GART: variants seen among roughly 807,000 people sequenced by gnomAD.
The protein encoded by GART is phosphoribosylglycinamide formyltransferase, phosphoribosylglycinamide synthetase, phosphoribosylaminoimidazole synthetase.
Under a neutral mutation model 107.2 loss-of-function variants are expected in GART, and 43 were observed. The observed-to-expected ratio is 0.40, with a 90% confidence interval of 0.31 to 0.52. The LOEUF is 0.52. Ranked by LOEUF, GART falls within the 20% of genes least tolerant of loss-of-function variation. The pLI is 0.52. For synonymous variants in GART, 434 were observed against 427.0 expected (o/e 1.02, Z -0.20); for missense variants, 1,107 against 1,206.5 (o/e 0.92, Z 1.22).
intron 12 of GART, among the ~76,000 whole-genome samples, chr21:33,521,299 G>A (rs1468816941): frequency 6.6e-6 from 1 of 152,124 alleles, no homozygotes; most frequent in Admixed American, 6.6e-5. Flanking sequence ...CCCTTCCTGA[G>A]TATGAGAGAT....
chr21:33,519,846 AAAAG>A (rs1230947696), intron 14 of GART, among the ~76,000 whole-genome samples: 2 of 151,442 alleles, frequency 1.3e-5, no homozygotes, highest in African/African-American at 4.9e-5. Context: ...TTAAATTAAA[AAAAG>A]AGGTTATTTT....
At chr21:33,526,086 GTCTCGA>G (rs1235336976) in intron 10 of GART, among the ~76,000 whole-genome samples, 5 of 151,878 alleles carry the variant, frequency 3.3e-5, no homozygotes, top group Non-Finnish European at 7.4e-5. Flanking sequence ...AGCCAGGATG[GTCTCGA>G]TCTCCTGACC....
rs754505590 is a variant in GART, at chr21:33,505,623, T to C, written c.2663A>G (p.Asp888Gly). The change falls in exon 20 of 22, where the codon GAC (aspartate) becomes GGC (glycine). Residue 888 changes from aspartate (D) to glycine (G), a missense_variant. Transcript: ENST00000381815. ...CATGAATCCTGCAAGACAGACTATG[T>C]CTATGGAGAACTCTTCAAGGACTAG... ...IDLVLEEFSI[D>G]IVCLAGFMRI... The C allele has an allele frequency of 1.6e-5, 26 of 1,612,902 alleles. No individual in the cohort carries two copies.
rs377404137 is a variant in GART, at chr21:33,539,278, C to G, written c.38G>C (p.Arg13Thr). 101 of 1,613,960 alleles carry G rather than the reference C, an allele frequency of 6.3e-5. No individual in the cohort carries two copies. Among genetic ancestry groups the G allele is most frequent in the Non-Finnish European group, 8.2e-5 (97 of 1,179,988 alleles). ...ARVLIIGSGG[R>T]EHTLAWKLAQ... ...AAGTTTCCAGGCCAGCGTATGTTCC[C>G]TTCCTCCACTGCCAATTATAAGTAC... is the stretch of plus-strand genomic sequence containing the variant. Residue 13 changes from arginine to threonine, a missense_variant, in exon 2 of 22, where the codon AGG (arginine) becomes ACG (threonine). Arg to Thr is a moderately conservative substitution (Grantham distance 71). Coordinates refer to ENST00000381815, the MANE Select transcript of GART (RefSeq NM_000819.5).
chr21:33,516,989 C>T lies in GART; in HGVS notation c.2107G>A (p.Asp703Asn). The T allele has an allele frequency of 6.3e-7, 1 of 1,592,916 alleles. No homozygotes were observed. Among genetic ancestry groups the T allele is most frequent in the Non-Finnish European group, 8.5e-7 (1 of 1,174,400 alleles). The part of the protein sequence containing the change: ...VLPEKLGVDL[D>N]AQTWRIPRVF... ...CAGAAGTTCGTTTTAGTGATCTTAC[C>T]TAAATCTACCCCAAGTTTCTCAGGG... Residue 703 changes from aspartate (D) to asparagine (N), a missense_variant and splice_region_variant, in exon 16 of 22, where the codon GAT becomes AAT. Physicochemically the swap from Asp to Asn is conservative, Grantham distance 23. Coordinates refer to ENST00000381815, the MANE Select transcript of GART (RefSeq NM_000819.5).
chr21:33,506,033 A>C lies in GART; in HGVS notation c.2524T>G (p.Ser842Ala). The change falls in exon 19 of 22, where the codon TCC (serine) becomes GCC (alanine). Residue 842 changes from serine (S) to alanine (A), a missense_variant. Coordinates refer to ENST00000381815, the MANE Select transcript of GART (RefSeq NM_000819.5). The stretch of plus-strand genomic sequence containing the variant: ...AACCCAGCTACTGCGGCTTTGTTGG[A>C]GATAACAATATCAATTTGTGCAGAG... ...NSSAQIDIVI[S>A]NKAAVAGLDK... is the part of the protein sequence containing the mutation. 1 of 1,614,206 alleles carries C rather than the reference A, an allele frequency of 6.2e-7. No homozygotes were observed. Among genetic ancestry groups the C allele is most frequent in the Non-Finnish European group, 8.5e-7 (1 of 1,180,030 alleles).
chr21:33,526,592 A>C (rs2085078148), intron 10 of GART, among the ~76,000 whole-genome samples: 1 of 151,990 alleles, frequency 6.6e-6, no homozygotes, highest in African/African-American at 2.4e-5. Flanking sequence ...CAGTATAACC[A>C]ATATGATCAG....
chr21:33,509,602 A>G, intron 18 of GART, 181 bp downstream of exon 18: 1 of 470,796 alleles, frequency 2.1e-6, no homozygotes, highest in Non-Finnish European at 3.5e-6. Flanking sequence ...TTTCTTTGGG[A>G]GCTGTCTCAA....
intron 18 of GART, among the ~76,000 whole-genome samples, chr21:33,507,433 T>C (rs1443718886): frequency 2.6e-5 from 4 of 152,168 alleles, no homozygotes; most frequent in African/African-American, 7.2e-5. Flanking sequence ...GGGATGCTAA[T>C]GGGTACAAAA....
At chr21:33,516,947 C>T in intron 16 of GART, 42 bp downstream of exon 16, 1 of 1,542,442 alleles carries the variant, frequency 6.5e-7, no homozygotes, top group Non-Finnish European at 8.8e-7. Context: ...CATTTTTTTC[C>T]TCAGCAATTT....
At chr21:33,520,847 T>G in intron 13 of GART, 59 bp downstream of exon 13, 1 of 1,228,636 alleles carries the variant, frequency 8.1e-7, no homozygotes, top group South Asian at 1.3e-5. Flanking sequence ...AAATACATAT[T>G]TGATATAAAT....
At chr21:33,508,451 T>C (rs2084722988) in intron 18 of GART, among the ~76,000 whole-genome samples, 1 of 151,646 alleles carries the variant, frequency 6.6e-6, no homozygotes, top group Non-Finnish European at 1.5e-5. Flanking sequence ...TTATACCTGA[T>C]AGAAAAATTT....
In GART at chr21:33,528,101, G is replaced by A. The variant is rs534322906; in HGVS notation, c.1066+66C>T. 2.4e-4 allele frequency: 351 copies of A among 1,451,320 alleles called. 1 individual carries two copies. The South Asian group carries it at 3.9e-3, about 16-fold the overall frequency. 89.9% of individuals were successfully genotyped at this position (1,451,320 alleles called of 1,614,324 possible). A position where few individuals can be genotyped will look rare whatever the true frequency, so the allele number is the denominator to read the frequency against. ...ATCGAGAGCAAGCCTTAGTGTGAGA[G>A]GGGGGTCTGCTGTGGTGCTGGCACT... On this transcript the variant is annotated intron_variant, in intron 10 of 21. Transcript: ENST00000381815.
intron 14 of GART, among the ~76,000 whole-genome samples, chr21:33,520,105 T>C (rs990143725): frequency 6.6e-6 from 1 of 151,900 alleles, no homozygotes; most frequent in African/African-American, 2.4e-5. Flanking sequence ...GGCCAAAAAT[T>C]GGGAAGAAAG....
At chr21:33,519,121 C>T (rs1020783735) in intron 14 of GART, 2 of 283,114 alleles carry the variant, frequency 7.1e-6, no homozygotes, top group Non-Finnish European at 1.4e-5. Context: ...TTGTTTCTTT[C>T]ATCTTGTCAG....
At position 33,534,470 on chromosome 21, in the gene GART, GCCT is replaced by G. The variant is rs2145756112; in HGVS notation, c.416+106_416+108del. The G allele has an allele frequency of 1.1e-5, 13 of 1,145,464 alleles. No individual in the cohort carries two copies. In the South Asian group the frequency reaches 1.8e-4, roughly 16 times the overall value. The allele number at this position is 1,145,464 out of a possible 1,614,324, so 71.0% of individuals were successfully genotyped here. Reference sequence around the variant, plus strand: ...GAGCTCAAGTGATTCACCTGCCTTGGCCTCCCAAAGTGCTGGGATTACAGGTGA... The same window carrying G: ...GAGCTCAAGTGATTCACCTGCCTTGGCCCAAAGTGCTGGGATTACAGGTGA... On this transcript the variant is annotated intron_variant, in intron 4 of 21. Transcript: ENST00000381815.
At chr21:33,511,575 T>A in intron 16 of GART, 117 bp from the exon 17 acceptor site, 2 of 1,053,136 alleles carry the variant, frequency 1.9e-6, no homozygotes, top group South Asian at 1.4e-5. Context: ...TTATGTAGGG[T>A]AAAACTATAA....
chr21:33,509,970 CAAGAAT>C (rs1485721911), intron 17 of GART, 50 bp from the exon 18 acceptor site: 2 of 1,520,588 alleles, frequency 1.3e-6, no homozygotes, highest in Non-Finnish European at 1.8e-6. Flanking sequence ...TGTGAATTAA[CAAGAAT>C]AATGGAAAGA....
intron 1 of GART, 73 bp from the exon 2 acceptor site, chr21:33,539,429 A>C: frequency 7.0e-6 from 8 of 1,139,688 alleles, no homozygotes; most frequent in Non-Finnish European, 9.8e-6. Context: ...ACAGTGGCTC[A>C]TGCCTGTACC....
Sources: gnomAD v4.1 joint callset for allele counts (sites outside exome capture counted in the v4.1 genomes callset) on GRCh38, gnomAD v4.1.1 for gene constraint, MANE v1.5 for transcripts, NCBI Gene and HGNC (gene_info 2026-07-23, HGNC 2026-07-21) for gene names.